LYST: variants seen among roughly 807,000 people sequenced by gnomAD.
The protein encoded by LYST is lysosomal trafficking regulator.
LYST carries 192 observed loss-of-function variants against 413.6 expected under a neutral mutation model. The observed-to-expected ratio is 0.46, with a 90% CI of 0.41 to 0.52. The LOEUF is 0.52. Ranked by LOEUF, LYST falls within the 20% of genes least tolerant of loss-of-function variation. The probability of loss-of-function intolerance (pLI) is 0.00; values close to 1 mark genes in which losing one functional copy is unlikely to be tolerated. For synonymous variants in LYST, 1,525 were observed against 1,567.3 expected (o/e 0.97, Z 0.64); for missense variants, 3,815 against 4,499.9 (o/e 0.85, Z 4.35).
chr1:235,755,663 A>G lies in LYST; in HGVS notation c.7060-16T>C. On this transcript the variant is annotated splice_polypyrimidine_tract_variant and intron_variant, in intron 24 of 52. Coordinates refer to ENST00000389793, the MANE Select transcript of LYST (RefSeq NM_000081.4). ...CATCTAATAGCTAAACAAAAAATTT[A>G]AGTCAATTTAGATAATGCATTAAAA... 1 of 1,456,484 alleles carries G rather than the reference A, an allele frequency of 6.9e-7. No individual in the cohort carries two copies. The highest frequency in any genetic ancestry group is 9.6e-7 in the Non-Finnish European group (1 of 1,037,574). The allele number at this position is 1,456,484 out of a possible 1,614,324, so 90.2% of individuals were successfully genotyped here.
intron 1 of LYST, among the ~76,000 whole-genome samples, chr1:235,836,167 T>C (rs745434558): frequency 6.6e-6 from 1 of 152,224 alleles, no homozygotes; most frequent in Non-Finnish European, 1.5e-5. Flanking sequence ...AAACACTGAT[T>C]TAATGTATTA....
In LYST at chr1:235,662,900, G is replaced by T; in HGVS notation, c.*40C>A. 1.8e-6 allele frequency: 2 copies of T among 1,116,600 alleles called. No homozygotes were observed. The highest frequency in any genetic ancestry group is 2.8e-6 in the Non-Finnish European group (2 of 725,378). 69.2% of individuals were successfully genotyped at this position (1,116,600 alleles called of 1,614,324 possible). A position where few individuals can be genotyped will look rare whatever the true frequency, so the allele number is the denominator to read the frequency against. On this transcript the variant is annotated 3_prime_UTR_variant, in exon 53 of 53. Transcript: ENST00000389793. ...CTGGTGAAGTCAACAAATCTAGTTT[G>T]GAGTTAAAGTGCTTTGGAGAACGTG...
intron 1 of LYST, among the ~76,000 whole-genome samples, chr1:235,848,857 G>A (rs182912429): frequency 4.6e-5 from 7 of 151,374 alleles, no homozygotes; most frequent in South Asian, 2.1e-4. Context: ...CAGACCCAGC[G>A]AGATTGAAAT....
Position 235,715,330 on chromosome 1 carries a change from C to A in LYST, c.9655G>T (p.Ala3219Ser), listed in dbSNP as rs765355844. The A allele has an allele frequency of 4.3e-6, 7 of 1,613,958 alleles. No individual in the cohort carries two copies. The highest frequency in any genetic ancestry group is 5.9e-6 in the Non-Finnish European group (7 of 1,179,930). Reference protein sequence around the residue: ...KYLEEEYRKGAREDDPMPPVQ... With the variant: ...KYLEEEYRKGSREDDPMPPVQ... ...GGAGGCATGGGGTCATCTTCTCTGGCTCCTTTGCGGTACTCTTCCTCCAAG... is the reference window on the plus strand; with the variant it reads ...GGAGGCATGGGGTCATCTTCTCTGGATCCTTTGCGGTACTCTTCCTCCAAG... Residue 3219 changes from alanine to serine, a missense_variant, in exon 42 of 53, where the codon GCC becomes TCC. Ala to Ser is a moderately conservative substitution (Grantham distance 99). Around this residue, in one of 4 missense-constraint regions of LYST, gnomAD observed 866 missense variants for 1,156.0 expected, o/e 0.75. Transcript: ENST00000389793.
At position 235,663,041 on chromosome 1, in the gene LYST, C is replaced by T; in HGVS notation, c.11305G>A (p.Ala3769Thr). The T allele has an allele frequency of 6.2e-7, 1 of 1,613,538 alleles. No homozygotes were observed. The highest frequency in any genetic ancestry group is 1.1e-5 in the South Asian group (1 of 91,078). Reference protein sequence around the residue: ...FSCDGHHLYTANSDGTVIAWC... With the variant: ...FSCDGHHLYTTNSDGTVIAWC... Reference sequence around the variant, plus strand: ...GCAATCACGGTCCCATCACTGTTTGCTGTGTACAAATGGTGGCCATCACAA... The same window carrying T: ...GCAATCACGGTCCCATCACTGTTTGTTGTGTACAAATGGTGGCCATCACAA... The change falls in exon 53 of 53, where the codon GCA (alanine) becomes ACA (threonine). Residue 3769 changes from alanine to threonine, a missense_variant. By Grantham distance (58) the Ala-to-Thr change is moderately conservative (BLOSUM62 0). This residue lies in a region of LYST where 866 missense variants were observed against 1,156.0 expected (regional missense o/e 0.75). Transcript: ENST00000389793.
chr1:235,701,666 G>T (rs1661566913), intron 45 of LYST, among the ~76,000 whole-genome samples: 1 of 152,172 alleles, frequency 6.6e-6, no homozygotes, highest in South Asian at 2.1e-4. Context: ...ACAGATTGTA[G>T]TTAAAAATAG....
At chr1:235,804,456 C>T (rs760393508) in intron 7 of LYST, 48 bp downstream of exon 7, 6 of 1,475,840 alleles carry the variant, frequency 4.1e-6, no homozygotes, top group Non-Finnish European at 5.7e-6. Flanking sequence ...ACACTTCCGC[C>T]TCTGCTGGTC....
chr1:235,857,507 T>C (rs561500658), intron 1 of LYST, among the ~76,000 whole-genome samples: 13 of 151,556 alleles, frequency 8.6e-5, no homozygotes, highest in Middle Eastern at 3.4e-3. Flanking sequence ...ATAGATGAGA[T>C]CATCAAAGGA....
intron 1 of LYST, among the ~76,000 whole-genome samples, chr1:235,857,742 TACACACACACACACACACACACACAC>T (rs56208034): frequency 1.5e-5 from 2 of 129,348 alleles, no homozygotes; most frequent in South Asian, 2.6e-4. Flanking sequence ...CATATGTAAA[TACACACACACACACACACACACACAC>T]ACACACACAC....
chr1:235,729,746 T>C, intron 36 of LYST, 89 bp from the exon 37 acceptor site: 1 of 919,282 alleles, frequency 1.1e-6, no homozygotes, highest in East Asian at 2.5e-5. Context: ...AAAAGATTTC[T>C]GCAAAGCAGA....
At chr1:235,690,636 A>T (rs899019770) in intron 47 of LYST, among the ~76,000 whole-genome samples, 4 of 152,206 alleles carry the variant, frequency 2.6e-5, no homozygotes, top group African/African-American at 7.2e-5. Context: ...AGGGATATTG[A>T]GGGTTATGCA....
chr1:235,851,917 A>G (rs1330532200), intron 1 of LYST, among the ~76,000 whole-genome samples: 1 of 152,212 alleles, frequency 6.6e-6, no homozygotes, highest in Non-Finnish European at 1.5e-5. Context: ...ACAAACTGAA[A>G]TCTTCCATAA....
chr1:235,803,026 A>T lies in LYST; in HGVS notation c.3594T>A (p.Gly1198=). 6.2e-7 allele frequency: 1 copy of T among 1,613,328 alleles called. No homozygotes were observed. Among genetic ancestry groups the T allele is most frequent in the Non-Finnish European group, 8.5e-7 (1 of 1,179,718 alleles). Residue 1198 remains glycine, a synonymous_variant, in exon 8 of 53, where the codon GGT becomes GGA. Transcript: ENST00000389793. The part of the protein sequence containing the change: ...QSAEELSSQP[G]DFSEEAEDSQ... ...AATCCTCAGCTTCTTCTGAAAAATCACCAGGCTGGGATGACAATTCTTCTG... is the reference window on the plus strand; with the variant it reads ...AATCCTCAGCTTCTTCTGAAAAATCTCCAGGCTGGGATGACAATTCTTCTG...
intron 47 of LYST, among the ~76,000 whole-genome samples, chr1:235,691,166 C>T (rs143033869): frequency 0.02 from 3,061 of 152,230 alleles, 110 homozygotes; most frequent in African/African-American, 0.07. Flanking sequence ...GATCCGCCCG[C>T]CTCGGCCTCC....
rs187125009 is a variant in LYST, at chr1:235,708,719, T to A, written c.10143+372A>T. On this transcript the variant is annotated intron_variant, in intron 44 of 52. Transcript: ENST00000389793. Reference sequence around the variant, plus strand: ...TTGCTGGAGGAGGCTGAGTATGCTTTTTGTGCTTTACCAGGGGTAGATTCT... The same window carrying A: ...TTGCTGGAGGAGGCTGAGTATGCTTATTGTGCTTTACCAGGGGTAGATTCT... Among the ~76,000 whole-genome samples the A allele has an allele frequency of 1.1e-4, 17 of 152,286 alleles. No individual in the cohort carries two copies. In the East Asian group the frequency reaches 3.1e-3, roughly 28 times the overall value.
intron 3 of LYST, among the ~76,000 whole-genome samples, chr1:235,819,826 T>C (rs1204536719): frequency 2.6e-5 from 4 of 151,962 alleles, no homozygotes; most frequent in Non-Finnish European, 5.9e-5. Context: ...TTTCGTAATT[T>C]TAGTAGAGAT....
chr1:235,690,105 C>T (rs1039942714), intron 47 of LYST, among the ~76,000 whole-genome samples: 10 of 152,132 alleles, frequency 6.6e-5, no homozygotes, highest in African/African-American at 1.9e-4. Context: ...TTTAACATTG[C>T]GTTGAAAACA....
intron 14 of LYST, among the ~76,000 whole-genome samples, chr1:235,785,048 T>C (rs1192507721): frequency 6.6e-6 from 1 of 152,220 alleles, no homozygotes; most frequent in African/African-American, 2.4e-5. Flanking sequence ...AAGCTCCTGC[T>C]CCCTGTCTCC....
rs770486687 is a variant in LYST at position 235,693,518 on chromosome 1, T to C, written c.10565-32A>G. 2.6e-5 allele frequency: 42 copies of C among 1,613,430 alleles called. No homozygotes were observed. The Middle Eastern group carries it at 5.0e-4, about 19-fold the overall frequency. On this transcript the variant is annotated intron_variant, in intron 46 of 52. Coordinates refer to ENST00000389793, the MANE Select transcript of LYST (RefSeq NM_000081.4). Reference sequence around the variant, plus strand: ...GAGAAGGAGAAAGAAAAGTATCAGATTGTCACTGCTCGACTGTTACATGAC... The same window carrying C: ...GAGAAGGAGAAAGAAAAGTATCAGACTGTCACTGCTCGACTGTTACATGAC...
Sources: gnomAD v4.1 joint callset for allele counts (sites outside exome capture counted in the v4.1 genomes callset) on GRCh38, gnomAD v4.1.1 for gene constraint, gnomAD v4.1.1 regional missense constraint, MANE v1.5 for transcripts, NCBI Gene and HGNC (gene_info 2026-07-23, HGNC 2026-07-21) for gene names.